The following SMN2 variants were observed in gnomAD, a reference collection of about 807,000 sequenced individuals.
SMN2 encodes survival motor neuron protein.
A neutral mutation model predicts 2.8 loss-of-function variants in SMN2; 1 was observed. The ratio of observed to expected loss-of-function variants is 0.35; its 90% confidence interval spans 0.13 to 1.68. The LOEUF is 1.68. Ranked by LOEUF, SMN2 falls within the 40% of genes most tolerant of loss-of-function variation. The pLI, the probability that SMN2 is intolerant of heterozygous loss-of-function variation, is 0.35. For missense variants in SMN2, 12 were observed against 16.9 expected, an observed-to-expected ratio of 0.71 and a Z score of 0.51; for synonymous variants, 5 against 5.0, an observed-to-expected ratio of 0.99 and a Z score of 0.01.
chr5:70,082,440 AC>A (rs1272741840), downstream of SMN2, among the ~76,000 whole-genome samples: 1 of 140,582 alleles, frequency 7.1e-6, no homozygotes, highest in Admixed American at 7.0e-5. Context: ...AAGGAATGGT[AC>A]CAGTTCCTCC....
intron 8 of SMN2, 93 bp downstream of exon 8, chr5:70,076,667 G>A: frequency 7.1e-7 from 1 of 1,410,198 alleles, no homozygotes; most frequent in Non-Finnish European, 9.6e-7. Context: ...AAAAAGTTCA[G>A]ATGTTAGAAA....
the SMN2 span, among the ~76,000 whole-genome samples, chr5:70,085,009 CT>C: frequency 3.6e-5 from 5 of 137,726 alleles, no homozygotes; most frequent in African/African-American, 1.5e-4. Context: ...AACAAGTGTC[CT>C]TTTTGAAAGC....
At chr5:70,084,254 T>G in the SMN2 span, among the ~76,000 whole-genome samples, 1 of 70,554 alleles carries the variant, frequency 1.4e-5, no homozygotes, top group Non-Finnish European at 2.6e-5. Context: ...TGGCGTGATC[T>G]CAGCTCACCG....
downstream of SMN2, among the ~76,000 whole-genome samples, chr5:70,080,213 C>T (rs555212656): frequency 2.3e-5 from 3 of 132,996 alleles, 1 homozygote; most frequent in South Asian, 7.1e-4. Context: ...CGCCTGTGAT[C>T]CCAGCTACTG....
the SMN2 span, among the ~76,000 whole-genome samples, chr5:70,083,807 T>TA: frequency 9.1e-6 from 1 of 109,330 alleles, no homozygotes; most frequent in African/African-American, 4.3e-5. Flanking sequence ...TGTTGTGGGG[T>TA]GGGGGGAGTG....
chr5:70,074,679 A>G (rs1219044841), intron 7 of SMN2, among the ~76,000 whole-genome samples: 1 of 124,298 alleles, frequency 8.0e-6, no homozygotes, highest in Non-Finnish European at 1.7e-5. Flanking sequence ...GGGCTCAGGA[A>G]CATCATTGGA....
At chr5:70,071,511 A>ATT (rs1414136541) in intron 7 of SMN2, 6 of 118,216 alleles carry the variant, frequency 5.1e-5, no homozygotes, top group African/African-American at 1.8e-4. Flanking sequence ...ATTTTATTTT[A>ATT]TTTTATTTTT....
chr5:70,053,007 G>A (rs1192458204), intron 1 of SMN2, among the ~76,000 whole-genome samples: 1 of 55,516 alleles, frequency 1.8e-5, no homozygotes, highest in African/African-American at 6.5e-5. Context: ...GGTTAAGAGA[G>A]TGGGATTCTT....
chr5:70,071,215 C>CCCG, intron 7 of SMN2: 1 of 279,930 alleles, frequency 3.6e-6, no homozygotes, highest in Non-Finnish European at 7.1e-6. Flanking sequence ...GCCTCAGCCT[C>CCCG]AGAGGTAGCT....
Position 70,076,805 on chromosome 5 carries a change from C to G in SMN2, c.*4-214C>G, listed in dbSNP as rs1580735028. 8.3e-6 allele frequency: 11 copies of G among 1,325,820 alleles called. 2 individuals carry two copies. The East Asian group carries it at 2.9e-4, about 36-fold the overall frequency. 82.1% of individuals were successfully genotyped at this position (1,325,820 alleles called of 1,614,324 possible). On this transcript the variant is annotated intron_variant, in intron 8 of 8. Transcript: ENST00000380743. ...TGGTTGGTTGTGTGGAAGAAACATA[C>G]TTTCACAATAAAGAGCTTTAGGATA...
chr5:70,052,671 G>A (rs1180852095), intron 1 of SMN2, among the ~76,000 whole-genome samples: 1 of 31,520 alleles, frequency 3.2e-5, no homozygotes, highest in Admixed American at 3.3e-4. Flanking sequence ...GCAGTGAGCC[G>A]AGATTGCGCC....
chr5:70,052,915 T>C lies in SMN2; in HGVS notation c.81+3149T>C, dbSNP rs934276234. Among the ~76,000 whole-genome samples the C allele has an allele frequency of 6.8e-4, 84 of 124,090 alleles. 8 individuals are homozygous for C. In the East Asian group the frequency reaches 0.014, roughly 21 times the overall value. 81.4% of individuals were successfully genotyped at this position (124,090 alleles called of 152,430 possible). On this transcript the variant is annotated intron_variant, in intron 1 of 8. Transcript: ENST00000380743. ...AAAAAAAAAAAAGTGGGAGGATCAA[T>C]GTACTGCCAGTCCTAATGAAGTGGA...
At chr5:70,076,611 T>G (rs578046537) in intron 8 of SMN2, 37 bp downstream of exon 8, 2 of 1,425,374 alleles carry the variant, frequency 1.4e-6, no homozygotes, top group East Asian at 4.7e-5. Context: ...AATCTTACTT[T>G]TGTAAAACTT....
downstream of SMN2, among the ~76,000 whole-genome samples, chr5:70,079,557 A>G (rs1350280577): frequency 7.0e-6 from 1 of 142,650 alleles, no homozygotes; most frequent in Admixed American, 6.9e-5. Flanking sequence ...GGAGTTCAAG[A>G]CCAGCATAAG....
chr5:70,051,930 T>C (rs2112465549), intron 1 of SMN2, among the ~76,000 whole-genome samples: 1 of 14,254 alleles, frequency 7.0e-5, no homozygotes, highest in South Asian at 1.9e-3. Context: ...GGCTCACGCC[T>C]GTAATCCCAG....
At chr5:70,083,723 G>T in the SMN2 span, among the ~76,000 whole-genome samples, 1 of 130,004 alleles carries the variant, frequency 7.7e-6, no homozygotes, top group South Asian at 2.4e-4. Flanking sequence ...AACACCGCAT[G>T]TTCTCACTCA....
At chr5:70,084,344 G>A in the SMN2 span, among the ~76,000 whole-genome samples, 2 of 91,410 alleles carry the variant, frequency 2.2e-5, no homozygotes, top group Non-Finnish European at 4.0e-5. Flanking sequence ...ACGCCACCAT[G>A]CCCGGCTAAT....
chr5:70,076,447 A>G, intron 7 of SMN2, 74 bp from the exon 8 acceptor site: 1 of 921,768 alleles, frequency 1.1e-6, no homozygotes, highest in East Asian at 2.7e-5. Flanking sequence ...TTTAACATCC[A>G]TATAAAGCTA....
At chr5:70,079,507 G>T (rs1400877827), downstream of SMN2, among the ~76,000 whole-genome samples, 3 of 146,186 alleles carry the variant, frequency 2.1e-5, no homozygotes, top group African/African-American at 7.9e-5. Context: ...TGTAATCCCA[G>T]CATTTTGGGA....
Sources: gnomAD v4.1 joint callset for allele counts (sites outside exome capture counted in the v4.1 genomes callset) on GRCh38, gnomAD v4.1.1 for gene constraint, MANE v1.5 for transcripts, NCBI Gene and HGNC (gene_info 2026-07-23, HGNC 2026-07-21) for gene names.